CENPE: variants seen among roughly 807,000 people sequenced by gnomAD.
CENPE encodes centromere-associated protein E.
In CENPE, 145 loss-of-function variants were observed where a neutral mutation model predicts 336.1. The ratio of observed to expected loss-of-function variants is 0.43; its 90% CI spans 0.38 to 0.50. The LOEUF (loss-of-function observed/expected upper bound fraction) is 0.50, where lower values mean the gene tolerates loss of function less well. Ranked by LOEUF, CENPE falls within the 20% of genes least tolerant of loss-of-function variation. The pLI is 0.00. For synonymous variants in CENPE, 1,013 were observed against 984.8 expected (o/e 1.03, Z -0.54); for missense variants, 2,719 against 3,023.3 (o/e 0.90, Z 2.36).
Position 103,145,119 on chromosome 4 carries a change from T to C in CENPE, c.4788A>G (p.Lys1596=). 6.2e-7 allele frequency: 1 copy of C among 1,611,518 alleles called. No individual in the cohort carries two copies. Among genetic ancestry groups the C allele is most frequent in the Non-Finnish European group, 8.5e-7 (1 of 1,178,990 alleles). The change falls in exon 32 of 49, where the codon AAA becomes AAG. Residue 1596 remains lysine, a synonymous_variant. Transcript: ENST00000265148. The stretch of plus-strand genomic sequence containing the variant: ...CTATCTGAAGGGCCTCCTGTACTCT[T>C]TTCATTTCCTCTTTTTCCTTAATCA... The part of the protein sequence containing the change: ...QIMIKEKEEM[K]RVQEALQIER...
chr4:103,189,401 T>A (rs1216974422), intron 8 of CENPE, among the ~76,000 whole-genome samples: 1 of 152,140 alleles, frequency 6.6e-6, no homozygotes, highest in East Asian at 1.9e-4. Flanking sequence ...AATAAAATAC[T>A]GGCAAACAGA....
chr4:103,140,003 T>G lies in CENPE; in HGVS notation c.5990A>C (p.Asn1997Thr), dbSNP rs762444293. The G allele has an allele frequency of 2.5e-6, 4 of 1,612,680 alleles. No individual in the cohort carries two copies. The highest frequency in any genetic ancestry group is 1.3e-5 in the African/African-American group (1 of 74,900). Reference protein sequence around the residue: ...EDVNMSHKKINEMEQLKKQFE... With the variant: ...EDVNMSHKKITEMEQLKKQFE... ...TTGCTTCTTCAACTGTTCCATTTCA[T>G]TAATTTTTTTATGACTCATATTGAC... Residue 1997 changes from asparagine (N) to threonine (T), a missense_variant, in exon 38 of 49, where the codon AAT (asparagine) becomes ACT (threonine). Asn to Thr is a moderately conservative substitution (Grantham distance 65). This residue lies in a region of CENPE where 2,437 missense variants were observed against 2,513.3 expected (regional missense o/e 0.97). Transcript: ENST00000265148.
At chr4:103,185,076 G>A (rs893767930) in intron 9 of CENPE, among the ~76,000 whole-genome samples, 3 of 152,094 alleles carry the variant, frequency 2.0e-5, no homozygotes, top group Non-Finnish European at 4.4e-5. Context: ...AGGCCGAGGT[G>A]GGCGGGTCAC....
Position 103,136,379 on chromosome 4 carries a change from A to G in CENPE, c.6304-20T>C. On this transcript the variant is annotated intron_variant, in intron 39 of 48. Coordinates refer to ENST00000265148, the MANE Select transcript of CENPE (RefSeq NM_001813.3). ...AAGCTCCTAAAGGAAATGAGAATTC[A>G]CTCAATTTATAACAATTCATTCTAA... 2 of 1,526,986 alleles carry G rather than the reference A, an allele frequency of 1.3e-6. No homozygotes were observed. The highest frequency in any genetic ancestry group is 4.7e-4 in the Middle Eastern group (2 of 4,282). 94.6% of individuals were successfully genotyped at this position (1,526,986 alleles called of 1,614,324 possible).
chr4:103,136,031 T>C, intron 40 of CENPE, 110 bp downstream of exon 40: 1 of 865,122 alleles, frequency 1.2e-6, no homozygotes, highest in South Asian at 1.7e-5. Context: ...ATCTTTAATT[T>C]GGTAGTAAGA....
At chr4:103,174,172 T>TAAA (rs201538196) in intron 16 of CENPE, among the ~76,000 whole-genome samples, 4 of 143,108 alleles carry the variant, frequency 2.8e-5, no homozygotes, top group Admixed American at 1.4e-4. Flanking sequence ...TTCAGCTATT[T>TAAA]AAAAAAAAAA....
chr4:103,147,882 C>T (rs1438943935), intron 28 of CENPE, among the ~76,000 whole-genome samples: 6 of 151,922 alleles, frequency 3.9e-5, no homozygotes, highest in South Asian at 4.2e-4. Flanking sequence ...TTAGTAGAGA[C>T]GGGGTTTCAC....
At chr4:103,119,876 G>A (rs1166692021) in intron 44 of CENPE, among the ~76,000 whole-genome samples, 1 of 151,684 alleles carries the variant, frequency 6.6e-6, no homozygotes, top group African/African-American at 2.4e-5. Context: ...AGCAATTTTT[G>A]AAAAATGAAA....
intron 3 of CENPE, 45 bp from the exon 4 acceptor site, chr4:103,196,083 T>G (rs1757709845): frequency 6.3e-7 from 1 of 1,584,604 alleles, no homozygotes; most frequent in Non-Finnish European, 8.7e-7. Flanking sequence ...AAAACAAACC[T>G]ATAATGGGTA....
At chr4:103,119,139 C>T (rs1489173333) in intron 44 of CENPE, among the ~76,000 whole-genome samples, 1 of 152,098 alleles carries the variant, frequency 6.6e-6, no homozygotes, top group Admixed American at 6.6e-5. Context: ...TTCCATTTCA[C>T]TTTTCACCAC....
chr4:103,196,926 C>CCCTCTCCCTCTCCCTCTCCCTCT, intron 1 of CENPE, 76 bp from the exon 2 acceptor site: 2 of 725,606 alleles, frequency 2.8e-6, no homozygotes. Flanking sequence ...AAAGATTTCA[C>CCCTCTCCCTCTCCCTCTCCCTCT]CTGCTAAAGA....
rs949578937 is a variant in CENPE, at chr4:103,191,039, C to A, written c.693+3190G>T. ...GACATTTATGCAGCCAAAAGACACA[C>A]GAAAAAATGCTCATCATCACTGGCC... On this transcript the variant is annotated intron_variant, in intron 8 of 48. Coordinates refer to ENST00000265148, the MANE Select transcript of CENPE (RefSeq NM_001813.3). Among the ~76,000 whole-genome samples, 3 of 151,420 alleles carry A rather than the reference C, an allele frequency of 2.0e-5. No individual in the cohort carries two copies. In the East Asian group the frequency reaches 5.8e-4, roughly 29 times the overall value.
At chr4:103,175,804 G>A (rs1755804210) in intron 15 of CENPE, among the ~76,000 whole-genome samples, 156 bp downstream of exon 15, 1 of 152,052 alleles carries the variant, frequency 6.6e-6, no homozygotes, top group African/African-American at 2.4e-5. Flanking sequence ...CTTCCTCTAG[G>A]TGCCTGATGG....
At position 103,175,969 on chromosome 4, in the gene CENPE, T is replaced by C. The variant is rs748978104; in HGVS notation, c.1470A>G (p.Leu490=). ...AAATACATTAAGTTACCTGATTTAGTAGCTTTGTTGCTGGATTCCATTCTA... is the reference window on the plus strand; with the variant it reads ...AAATACATTAAGTTACCTGATTTAGCAGCTTTGTTGCTGGATTCCATTCTA... ...SEIEWNPATK[L]LNQENIESEL... is the part of the protein sequence containing the mutation. The change falls in exon 15 of 49, where the codon CTA becomes CTG. Residue 490 remains leucine (L), a synonymous_variant. Transcript: ENST00000265148. 3.9e-5 allele frequency: 62 copies of C among 1,590,028 alleles called. 1 individual carries two copies. In the South Asian group the frequency reaches 5.7e-4, roughly 15 times the overall value.
intron 46 of CENPE, 67 bp from the exon 47 acceptor site, chr4:103,111,078 T>C (rs1749373664): frequency 8.6e-7 from 1 of 1,163,188 alleles, no homozygotes; most frequent in Admixed American, 2.4e-5. Context: ...ATAAAGGAAA[T>C]ACTACCAAGT....
At chr4:103,133,647 G>C (rs770492921) in intron 41 of CENPE, 48 bp downstream of exon 41, 3 of 1,265,282 alleles carry the variant, frequency 2.4e-6, no homozygotes, top group Non-Finnish European at 3.4e-6. Flanking sequence ...CTTTCTACTT[G>C]ATAAAAAGGC....
intron 33 of CENPE, 91 bp downstream of exon 33, chr4:103,144,240 C>T (rs1018834527): frequency 9.2e-6 from 11 of 1,201,176 alleles, no homozygotes; most frequent in Non-Finnish European, 1.3e-5. Flanking sequence ...CCGGCCTGGA[C>T]CAATTTTATA....
At chr4:103,149,095 T>C (rs762168781) in intron 27 of CENPE, 23 bp downstream of exon 27, 14 of 1,580,858 alleles carry the variant, frequency 8.9e-6, no homozygotes, top group Non-Finnish European at 2.6e-6. Context: ...ACTTAATAGA[T>C]GAAGGAAAAG....
rs1316493370 is a variant in CENPE, at chr4:103,194,209, T to C, written c.693+20A>G. 1.9e-6 allele frequency: 3 copies of C among 1,598,838 alleles called. No homozygotes were observed. Among genetic ancestry groups the C allele is most frequent in the Non-Finnish European group, 2.6e-6 (3 of 1,167,660 alleles). ...TGTTTTGGCCCATACAGTACATTAT[T>C]ATGGTTCATTAATACTCACCAAATG... On this transcript the variant is annotated intron_variant, in intron 8 of 48. Transcript: ENST00000265148.
Sources: gnomAD v4.1 joint callset for allele counts (sites outside exome capture counted in the v4.1 genomes callset) on GRCh38, gnomAD v4.1.1 for gene constraint, gnomAD v4.1.1 regional missense constraint, MANE v1.5 for transcripts, NCBI Gene and HGNC (gene_info 2026-07-23, HGNC 2026-07-21) for gene names.